SEZ6L: variants seen among roughly 807,000 people sequenced by gnomAD.
SEZ6L encodes seizure related 6 homolog like, also known as seizure 6-like protein.
SEZ6L carries 37 observed loss-of-function variants against 106.2 expected under a neutral mutation model. The ratio of observed to expected loss-of-function variants is 0.35; its 90% CI spans 0.27 to 0.46. SEZ6L has a LOEUF of 0.46. Ranked by LOEUF, SEZ6L falls within the 20% of genes least tolerant of loss-of-function variation. SEZ6L has a pLI of 1.00. For missense variants in SEZ6L, 1,172 were observed against 1,332.8 expected, an observed-to-expected ratio of 0.88 and a Z score of 1.88; for synonymous variants, 541 against 570.4, an observed-to-expected ratio of 0.95 and a Z score of 0.73.
At chr22:26,319,749 G>A (rs754990789) in intron 9 of SEZ6L, among the ~76,000 whole-genome samples, 3 of 152,200 alleles carry the variant, frequency 2.0e-5, no homozygotes, top group Admixed American at 2.0e-4. Flanking sequence ...TCACCTCCAG[G>A]AGAAGAGCAG....
chr22:26,226,894 A>G (rs538919687), intron 1 of SEZ6L, among the ~76,000 whole-genome samples: 25 of 152,274 alleles, frequency 1.6e-4, no homozygotes, highest in African/African-American at 5.5e-4. Flanking sequence ...CCCTTCTACC[A>G]TGAAGAATGA....
chr22:26,274,397 C>T (rs2080474336), intron 1 of SEZ6L, among the ~76,000 whole-genome samples: 1 of 152,048 alleles, frequency 6.6e-6, no homozygotes, highest in Non-Finnish European at 1.5e-5. Context: ...TAGGACCTGA[C>T]ATGTAACAAG....
intron 15 of SEZ6L, among the ~76,000 whole-genome samples, chr22:26,377,241 A>G (rs1015535309): frequency 6.6e-6 from 1 of 152,180 alleles, no homozygotes; most frequent in Non-Finnish European, 1.5e-5. Flanking sequence ...GCACCACTGC[A>G]CTACAACCCG....
intron 9 of SEZ6L, among the ~76,000 whole-genome samples, chr22:26,332,731 A>C (rs762646686): frequency 1.3e-5 from 2 of 152,236 alleles, no homozygotes; most frequent in Non-Finnish European, 2.9e-5. Context: ...TACAAGCATG[A>C]ACCATCATGC....
intron 1 of SEZ6L, among the ~76,000 whole-genome samples, chr22:26,249,336 A>T (rs2079485260): frequency 6.6e-6 from 1 of 152,122 alleles, no homozygotes; most frequent in South Asian, 2.1e-4. Flanking sequence ...TATCCTTCCC[A>T]GACTCTAGTA....
At chr22:26,326,266 C>T (rs887830221) in intron 9 of SEZ6L, among the ~76,000 whole-genome samples, 2 of 152,174 alleles carry the variant, frequency 1.3e-5, no homozygotes, top group African/African-American at 4.8e-5. Context: ...TCAAGGCATT[C>T]GAATGCAATT....
At chr22:26,243,847 T>C (rs1306488737) in intron 1 of SEZ6L, among the ~76,000 whole-genome samples, 1 of 151,190 alleles carries the variant, frequency 6.6e-6, no homozygotes, top group Non-Finnish European at 1.5e-5. Context: ...AGGCCTGGCG[T>C]GGTGGCTCAC....
intron 1 of SEZ6L, among the ~76,000 whole-genome samples, chr22:26,226,603 G>C (rs944369404): frequency 6.6e-6 from 1 of 152,130 alleles, no homozygotes; most frequent in African/African-American, 2.4e-5. Flanking sequence ...TTATTCAGTG[G>C]AAATCAGACT....
rs2082795321 is a variant in SEZ6L, at chr22:26,340,526, C to A, written c.2106C>A (p.Gly702=). 6.2e-7 allele frequency: 1 copy of A among 1,614,084 alleles called. No homozygotes were observed. Among genetic ancestry groups the A allele is most frequent in the Non-Finnish European group, 8.5e-7 (1 of 1,179,992 alleles). Residue 702 remains glycine, a synonymous_variant, in exon 10 of 17, where the codon GGC becomes GGA. Coordinates refer to ENST00000248933, the MANE Select transcript of SEZ6L (RefSeq NM_021115.5). ...TGGGGCAGTACCTTGGGAACAGTGG[C>A]CCCCAGAAACTGTACTCCTCCACGC... is the stretch of plus-strand genomic sequence containing the variant. The part of the protein sequence containing the change: ...HILGQYLGNS[G]PQKLYSSTPD...
intron 16 of SEZ6L, among the ~76,000 whole-genome samples, chr22:26,378,804 C>G (rs1437845089): frequency 6.6e-6 from 1 of 152,150 alleles, no homozygotes; most frequent in Non-Finnish European, 1.5e-5. Flanking sequence ...GCAGCCATCT[C>G]CCAACGTTTG....
rs116065297 is a variant in SEZ6L, at chr22:26,301,733, G to T, written c.1348+2564G>T. On this transcript the variant is annotated intron_variant, in intron 5 of 16. Coordinates refer to ENST00000248933, the MANE Select transcript of SEZ6L (RefSeq NM_021115.5). ...GGAAATAGACTGAGGGTGGAAAATG[G>T]GGGGGAGAAGGGGGAAACATTCCAG... Among the ~76,000 whole-genome samples, 636 of 152,224 alleles carry T rather than the reference G, an allele frequency of 4.2e-3. 4 individuals carry two copies. The highest frequency in any genetic ancestry group is 0.014 in the African/African-American group (596 of 41,536).
intron 1 of SEZ6L, among the ~76,000 whole-genome samples, chr22:26,233,555 C>T (rs369600552): frequency 6.6e-6 from 1 of 152,222 alleles, no homozygotes; most frequent in South Asian, 2.1e-4. Context: ...GGCTCGAAGT[C>T]GAGCATGCGG....
chr22:26,321,543 C>G (rs1270870822), intron 9 of SEZ6L, among the ~76,000 whole-genome samples: 1 of 152,198 alleles, frequency 6.6e-6, no homozygotes, highest in African/African-American at 2.4e-5. Context: ...ACACACTTGG[C>G]AGAGTGGCAT....
chr22:26,247,823 C>T (rs1375025758), intron 1 of SEZ6L, among the ~76,000 whole-genome samples: 1 of 152,208 alleles, frequency 6.6e-6, no homozygotes. Flanking sequence ...TCTCACATCT[C>T]ACTAGACAGA....
chr22:26,338,848 G>A (rs2082727450), intron 9 of SEZ6L, among the ~76,000 whole-genome samples: 2 of 127,594 alleles, frequency 1.6e-5, no homozygotes, highest in African/African-American at 2.9e-5. Flanking sequence ...GAGCCACCAC[G>A]CCCGGACTTT....
intron 1 of SEZ6L, among the ~76,000 whole-genome samples, chr22:26,279,225 G>A (rs1164496557): frequency 6.6e-6 from 1 of 152,162 alleles, no homozygotes; most frequent in Non-Finnish European, 1.5e-5. Context: ...GATGACCATT[G>A]GATGGCTTCC....
Position 26,293,162 on chromosome 22 carries a change from CTCCTGAAGCCA to C in SEZ6L, c.835+24_835+34del. On this transcript the variant is annotated intron_variant, in intron 2 of 16. Coordinates refer to ENST00000248933, the MANE Select transcript of SEZ6L (RefSeq NM_021115.5). ...CAGGCACCAGGTATGCAGCCCCCAA[CTCCTGAAGCCA>C]TCCTGAAACAGCCATGAGGCACTCA... The C allele has an allele frequency of 6.7e-7, 1 of 1,488,860 alleles. No individual in the cohort carries two copies. The highest frequency in any genetic ancestry group is 8.9e-7 in the Non-Finnish European group (1 of 1,128,090). The allele number at this position is 1,488,860 out of a possible 1,614,324, so 92.2% of individuals were successfully genotyped here.
At position 26,375,611 on chromosome 22, in the gene SEZ6L, G is replaced by A. The variant is rs1568959154; in HGVS notation, c.2864G>A (p.Gly955Glu). ...GCAGCAGAGACGTCGCTGGAAGGGG[G>A]GAACATGGCCCTGGCTATCTTCATC... The part of the protein sequence containing the change: ...EAAAETSLEG[G>E]NMALAIFIPV... The change falls in exon 15 of 17, where the codon GGG becomes GAG. Residue 955 changes from glycine (G) to glutamate (E), a missense_variant. This residue lies in a region of SEZ6L where 141 missense variants were observed against 176.0 expected (regional missense o/e 0.80). Coordinates refer to ENST00000248933, the MANE Select transcript of SEZ6L (RefSeq NM_021115.5). 1 of 1,614,136 alleles carries A rather than the reference G, an allele frequency of 6.2e-7. No homozygotes were observed. The highest frequency in any genetic ancestry group is 8.5e-7 in the Non-Finnish European group (1 of 1,180,018).
intron 1 of SEZ6L, among the ~76,000 whole-genome samples, chr22:26,278,162 T>C (rs2080614500): frequency 6.6e-6 from 1 of 152,102 alleles, no homozygotes; most frequent in Non-Finnish European, 1.5e-5. Context: ...AAGGGGCGGT[T>C]TAGAACGATC....
Sources: allele counts gnomAD v4.1 joint callset (sites outside exome capture counted in the v4.1 genomes callset), GRCh38; gene constraint gnomAD v4.1.1; regional missense constraint gnomAD v4.1.1; transcripts MANE v1.5; gene names NCBI Gene and HGNC (gene_info 2026-07-23, HGNC 2026-07-21).